SH3PXD2A: variants seen among roughly 807,000 people sequenced by gnomAD.
The protein encoded by SH3PXD2A is SH3 and PX domains 2A, also known as SH3 and PX domain-containing protein 2A.
SH3PXD2A carries 32 observed loss-of-function variants against 115.2 expected under a neutral mutation model. The ratio of observed to expected loss-of-function variants is 0.28; its 90% CI spans 0.21 to 0.37. The LOEUF is 0.37. Among genes scored for constraint, SH3PXD2A ranks in the 10% least tolerant of loss-of-function variants. The pLI is 1.00. For synonymous variants in SH3PXD2A, 610 were observed against 629.1 expected, an observed-to-expected ratio of 0.97 and a Z score of 0.45; for missense variants, 1,328 against 1,498.7, an observed-to-expected ratio of 0.89 and a Z score of 1.88.
intron 3 of SH3PXD2A, among the ~76,000 whole-genome samples, chr10:103,742,948 TC>T (rs5787497): frequency 0.32 from 48,445 of 151,044 alleles, 9,141 homozygotes; most frequent in African/African-American, 0.54. Flanking sequence ...GGAACCTCCC[TC>T]CCCCCCTCAA....
Position 103,730,713 on chromosome 10 carries a change from G to C in SH3PXD2A, c.306+5019C>G, listed in dbSNP as rs192752071. 1.7e-3 allele frequency among the ~76,000 whole-genome samples: 258 copies of C among 152,224 alleles called. 2 individuals are homozygous for C. The highest frequency in any genetic ancestry group is 9.5e-3 in the South Asian group (46 of 4,818). ...CCATCTTGTCATCAGGCATTGGCTGGACAATCCCTTAGGGCTGGGCTTCCT... is the reference window on the plus strand; with the variant it reads ...CCATCTTGTCATCAGGCATTGGCTGCACAATCCCTTAGGGCTGGGCTTCCT... On this transcript the variant is annotated intron_variant, in intron 4 of 14. Transcript: ENST00000369774.
intron 7 of SH3PXD2A, chr10:103,661,744 G>A (rs1313395567): frequency 1.0e-6 from 1 of 985,204 alleles, no homozygotes; most frequent in Non-Finnish European, 1.2e-6. Flanking sequence ...AGGGTTTGAG[G>A]CCGCCAATCA....
chr10:103,814,029 A>AC (rs1564895819), intron 1 of SH3PXD2A, among the ~76,000 whole-genome samples: 6 of 151,456 alleles, frequency 4.0e-5, no homozygotes, highest in African/African-American at 1.2e-4. Context: ...CAAAAAAAAA[A>AC]CCACACCCTT....
At chr10:103,688,163 A>C (rs746347321) in intron 6 of SH3PXD2A, among the ~76,000 whole-genome samples, 1 of 152,180 alleles carries the variant, frequency 6.6e-6, no homozygotes, top group Non-Finnish European at 1.5e-5. Flanking sequence ...ACCTTTGTGC[A>C]TGTGCTCTCT....
chr10:103,709,429 C>G (rs141879437), intron 5 of SH3PXD2A, among the ~76,000 whole-genome samples: 1 of 152,300 alleles, frequency 6.6e-6, no homozygotes, highest in East Asian at 1.9e-4. Flanking sequence ...AGGGGCAAAC[C>G]CTCCCACCTT....
chr10:103,651,444 T>C (rs10736160), intron 8 of SH3PXD2A, among the ~76,000 whole-genome samples: 134,309 of 152,312 alleles, frequency 0.88, 59,328 homozygotes, highest in East Asian at 1. Context: ...TGCTTTCCTG[T>C]GCTCTGTGGC....
chr10:103,775,501 G>A (rs1282029725), intron 2 of SH3PXD2A, among the ~76,000 whole-genome samples: 1 of 152,188 alleles, frequency 6.6e-6, no homozygotes, highest in African/African-American at 2.4e-5. Context: ...AGACATCAGA[G>A]CCAGGCCTTG....
At chr10:103,843,077 C>T (rs1259837484) in intron 1 of SH3PXD2A, among the ~76,000 whole-genome samples, 9 of 152,080 alleles carry the variant, frequency 5.9e-5, no homozygotes, top group Non-Finnish European at 8.8e-5. Flanking sequence ...AGCAATAGTG[C>T]CGTTTATGGA....
intron 11 of SH3PXD2A, among the ~76,000 whole-genome samples, chr10:103,614,415 A>G (rs192458792): frequency 3.9e-4 from 60 of 152,358 alleles, no homozygotes; most frequent in African/African-American, 1.4e-3. Context: ...AGCAGAAACC[A>G]TAAGTGAAAA....
intron 1 of SH3PXD2A, among the ~76,000 whole-genome samples, chr10:103,823,723 C>T (rs1019579871): frequency 5.9e-5 from 9 of 152,196 alleles, no homozygotes; most frequent in Non-Finnish European, 1.3e-4. Context: ...GTGTTTTGTC[C>T]CTGCCTCATG....
chr10:103,623,536 G>C (rs1440132963), intron 9 of SH3PXD2A, among the ~76,000 whole-genome samples: 1 of 152,118 alleles, frequency 6.6e-6, no homozygotes, highest in Non-Finnish European at 1.5e-5. Flanking sequence ...CCAGTGGCTG[G>C]AGTGAAAATA....
chr10:103,775,291 A>G (rs2134234729), intron 2 of SH3PXD2A, among the ~76,000 whole-genome samples: 1 of 152,258 alleles, frequency 6.6e-6, no homozygotes. Context: ...CCAGGCCTTT[A>G]CCACATCAGC....
chr10:103,813,778 A>T (rs1350172030), intron 1 of SH3PXD2A, among the ~76,000 whole-genome samples: 25 of 152,102 alleles, frequency 1.6e-4, no homozygotes, highest in Admixed American at 1.5e-3. Context: ...GCTGTAGGGA[A>T]TTTCAGGTTC....
rs1179835458 is a variant in SH3PXD2A at position 103,605,786 on chromosome 10, C to T, written c.1428+12G>A. On this transcript the variant is annotated intron_variant, in intron 14 of 14. Transcript: ENST00000369774. ...TGAGTTAAAACCCTCGGCCTCATGGCCCAAGGCTTACCTCTGCCTTCTGTC... is the reference window on the plus strand; with the variant it reads ...TGAGTTAAAACCCTCGGCCTCATGGTCCAAGGCTTACCTCTGCCTTCTGTC... 3 of 1,614,126 alleles carry T rather than the reference C, an allele frequency of 1.9e-6. No individual in the cohort carries two copies. Among genetic ancestry groups the T allele is most frequent in the Non-Finnish European group, 2.5e-6 (3 of 1,179,978 alleles).
chr10:103,746,212 C>T lies in SH3PXD2A; in HGVS notation c.230-10404G>A, dbSNP rs1159044869. ...CTGCTAGTGATAAAGCACCTAGTCCCAGGCCCATGGAGGGACTAATACATC... is the reference window on the plus strand; with the variant it reads ...CTGCTAGTGATAAAGCACCTAGTCCTAGGCCCATGGAGGGACTAATACATC... On this transcript the variant is annotated intron_variant, in intron 3 of 14. Transcript: ENST00000369774. This position sits in a 1 kb window ranked among gnomAD's most constrained non-coding sequence, Gnocchi z 4.4. The T allele has an allele frequency of 6.6e-6, 1 of 152,272 alleles. No homozygotes were observed. The highest frequency in any genetic ancestry group is 2.4e-5 in the African/African-American group (1 of 41,470). 9.4% of individuals were successfully genotyped at this position (152,272 alleles called of 1,614,324 possible). A position where few individuals can be genotyped will look rare whatever the true frequency, so the allele number is the denominator to read the frequency against.
intron 1 of SH3PXD2A, among the ~76,000 whole-genome samples, chr10:103,828,187 G>A (rs2039449192): frequency 6.6e-6 from 1 of 152,206 alleles, no homozygotes; most frequent in African/African-American, 2.4e-5. Context: ...GGCAGGAAGC[G>A]AATGCTTACG....
chr10:103,765,458 G>A lies in SH3PXD2A; in HGVS notation c.229+1636C>T, dbSNP rs146882479. Among the ~76,000 whole-genome samples the A allele has an allele frequency of 1.5e-3, 224 of 152,308 alleles. 1 individual carries two copies. Among genetic ancestry groups the A allele is most frequent in the African/African-American group, 4.5e-3 (185 of 41,562 alleles). ...AGGTCTTCTCTCCACTAGCCTGAGC[G>A]TTCCGTAGATGAGGAAAACAAATTC... is the stretch of plus-strand genomic sequence containing the variant. On this transcript the variant is annotated intron_variant, in intron 3 of 14. Transcript: ENST00000369774.
chr10:103,609,945 A>G (rs573616916), intron 13 of SH3PXD2A: 2 of 152,396 alleles, frequency 1.3e-5, no homozygotes, highest in South Asian at 4.1e-4. Context: ...CATCTGTAAA[A>G]TGGAACTAAT....
chr10:103,836,518 C>T (rs1759475076), intron 1 of SH3PXD2A, among the ~76,000 whole-genome samples: 2 of 151,542 alleles, frequency 1.3e-5, no homozygotes, highest in Non-Finnish European at 3.0e-5. Flanking sequence ...AGCACATCCC[C>T]CAATACACAC....
Sources: gnomAD v4.1 joint callset for allele counts (sites outside exome capture counted in the v4.1 genomes callset) on GRCh38, gnomAD v4.1.1 for gene constraint, Gnocchi (gnomAD v3.1) non-coding constraint, MANE v1.5 for transcripts, NCBI Gene and HGNC (gene_info 2026-07-23, HGNC 2026-07-21) for gene names.